Variants in PLEKHA7 observed in about 807,000 individuals in gnomAD.
The protein encoded by PLEKHA7 is pleckstrin homology domain containing A7, also known as pleckstrin homology domain-containing family A member 7.
A neutral mutation model predicts 170.0 loss-of-function variants in PLEKHA7; 104 were observed. The ratio of observed to expected loss-of-function variants is 0.61; its 90% CI spans 0.52 to 0.72. The LOEUF (loss-of-function observed/expected upper bound fraction) is 0.72. Ranked by LOEUF, PLEKHA7 falls within the 30% of genes least tolerant of loss-of-function variation. The pLI, the probability that PLEKHA7 is intolerant of heterozygous loss-of-function variation, is 0.00. For missense variants in PLEKHA7, 1,615 were observed against 1,671.7 expected (o/e 0.97, Z 0.59); for synonymous variants, 648 against 660.8 (o/e 0.98, Z 0.30).
At chr11:16,781,775 G>A (rs1474794282) in intron 26 of PLEKHA7, among the ~76,000 whole-genome samples, 1 of 152,126 alleles carries the variant, frequency 6.6e-6, no homozygotes, top group Admixed American at 6.5e-5. Flanking sequence ...GACTCCCCAG[G>A]CCCAGGCATC....
At chr11:16,821,610 A>G (rs1850218161) in intron 10 of PLEKHA7, among the ~76,000 whole-genome samples, 2 of 152,214 alleles carry the variant, frequency 1.3e-5, no homozygotes, top group Admixed American at 1.3e-4. Flanking sequence ...ATGATATGCA[A>G]AGCAGAGATA....
At chr11:16,898,174 A>C (rs952836895) in intron 3 of PLEKHA7, among the ~76,000 whole-genome samples, 4 of 151,984 alleles carry the variant, frequency 2.6e-5, no homozygotes, top group African/African-American at 4.8e-5. Flanking sequence ...ACATTCTCCC[A>C]CTCTTTCAAC....
rs891649036 is a variant in PLEKHA7 at position 16,777,621 on chromosome 11, T to C, written c.*1377A>G. The C allele has an allele frequency of 1.3e-5, 2 of 152,234 alleles. No individual in the cohort carries two copies. The highest frequency in any genetic ancestry group is 4.8e-5 in the African/African-American group (2 of 41,460). 9.4% of individuals were successfully genotyped at this position (152,234 alleles called of 1,614,324 possible). A position where few individuals can be genotyped will look rare whatever the true frequency, so the allele number is the denominator to read the frequency against. ...TTTTCCATTTAAACGTCATTGTTTA[T>C]ATGCAGAATAATATAAGAAAACAAC... On this transcript the variant is annotated 3_prime_UTR_variant, in exon 27 of 27. Coordinates refer to ENST00000531066, the MANE Select transcript of PLEKHA7 (RefSeq NM_001329630.2).
intron 3 of PLEKHA7, among the ~76,000 whole-genome samples, chr11:16,948,132 C>T (rs370561375): frequency 2.0e-5 from 3 of 151,798 alleles, no homozygotes; most frequent in Admixed American, 6.6e-5. Flanking sequence ...AAGGTGAGCT[C>T]ATAGAATCAA....
intron 3 of PLEKHA7, among the ~76,000 whole-genome samples, chr11:16,983,997 T>C (rs11024101): frequency 0.21 from 31,915 of 152,118 alleles, 4,237 homozygotes; most frequent in East Asian, 0.39. Flanking sequence ...AGAGGGTCAC[T>C]TGAGCCCAGG....
intron 9 of PLEKHA7, among the ~76,000 whole-genome samples, chr11:16,831,357 C>T (rs1172992229): frequency 6.6e-6 from 1 of 152,124 alleles, no homozygotes; most frequent in South Asian, 2.1e-4. Flanking sequence ...AAATTTGTGA[C>T]ACTTGTCACA....
intron 9 of PLEKHA7, among the ~76,000 whole-genome samples, chr11:16,837,793 AAG>A (rs1021970578): frequency 1.3e-5 from 2 of 152,184 alleles, no homozygotes; most frequent in African/African-American, 4.8e-5. Flanking sequence ...TTTCATTAAG[AAG>A]AATGATCTTC....
chr11:17,002,555 T>C (rs1213165065), intron 3 of PLEKHA7, among the ~76,000 whole-genome samples: 1 of 152,208 alleles, frequency 6.6e-6, no homozygotes, highest in Non-Finnish European at 1.5e-5. Context: ...GAAGATCTAT[T>C]AACCACCACT....
intron 3 of PLEKHA7, among the ~76,000 whole-genome samples, chr11:16,890,989 C>T (rs1856570472): frequency 6.6e-6 from 1 of 152,022 alleles, no homozygotes; most frequent in Non-Finnish European, 1.5e-5. Context: ...CAGTCTCAAA[C>T]TCCTGGGCTC....
chr11:16,956,066 T>C (rs952233225), intron 3 of PLEKHA7, among the ~76,000 whole-genome samples: 1 of 152,254 alleles, frequency 6.6e-6, no homozygotes. Context: ...TAGCCTAGTT[T>C]GTGGAAATAT....
chr11:16,852,411 C>T, intron 6 of PLEKHA7, 56 bp from the exon 7 acceptor site: 1 of 1,493,012 alleles, frequency 6.7e-7, no homozygotes. Flanking sequence ...TTGTCCCTTT[C>T]CAAGCATGCA....
rs373796286 is a variant in PLEKHA7, at chr11:16,902,833, G to A, written c.222-31651C>T. Among the ~76,000 whole-genome samples, 27 of 151,936 alleles carry A rather than the reference G, an allele frequency of 1.8e-4. 1 individual carries two copies. In the South Asian group the frequency reaches 5.2e-3, roughly 29 times the overall value. ...GAGGATTGAAATAACACAGGTAAAG[G>A]ACTTAGCAGACAGCTGGGCACACAA... On this transcript the variant is annotated intron_variant, in intron 3 of 26. Transcript: ENST00000531066.
rs1393575616 is a variant in PLEKHA7 at position 16,786,613 on chromosome 11, G to A, written c.3358-226C>T. On this transcript the variant is annotated intron_variant, in intron 23 of 26. Transcript: ENST00000531066. ...CCAGAGGTTTCAAACATACACCCTT[G>A]GGGCACAGGTCTAAGACTCATGACT... 4.1e-6 allele frequency: 4 copies of A among 985,274 alleles called. No homozygotes were observed. The East Asian group carries it at 4.5e-4, about 112-fold the overall frequency. The allele number at this position is 985,274 out of a possible 1,614,324, so 61.0% of individuals were successfully genotyped here. A position where few individuals can be genotyped will look rare whatever the true frequency, so the allele number is the denominator to read the frequency against.
rs576429941 is a variant in PLEKHA7, at chr11:16,901,419, G to A, written c.222-30237C>T. ...TATAAGCCAAAAGTTTGAGAAAACT[G>A]CATGGGGGTTTATCCTTTCTCCTCT... On this transcript the variant is annotated intron_variant, in intron 3 of 26. Coordinates refer to ENST00000531066, the MANE Select transcript of PLEKHA7 (RefSeq NM_001329630.2). Among the ~76,000 whole-genome samples the A allele has an allele frequency of 1.4e-4, 22 of 152,320 alleles. No homozygotes were observed. In the South Asian group the frequency reaches 4.1e-3, roughly 29 times the overall value.
chr11:16,836,262 G>A (rs543931290), intron 9 of PLEKHA7, among the ~76,000 whole-genome samples: 6 of 152,316 alleles, frequency 3.9e-5, no homozygotes, highest in Admixed American at 3.3e-4. Flanking sequence ...CAGGTGGGAA[G>A]AGCCCAGAGT....
intron 9 of PLEKHA7, among the ~76,000 whole-genome samples, chr11:16,829,313 G>A (rs144959500): frequency 2.2e-4 from 33 of 152,106 alleles, no homozygotes; most frequent in African/African-American, 6.3e-4. Context: ...CCCTGCCGGG[G>A]GCCTAAATTC....
chr11:17,002,350 G>C (rs1354220726), intron 3 of PLEKHA7, among the ~76,000 whole-genome samples: 1 of 151,946 alleles, frequency 6.6e-6, no homozygotes, highest in African/African-American at 2.4e-5. Flanking sequence ...GTTACAGTGA[G>C]CTGAGATGGT....
intron 3 of PLEKHA7, among the ~76,000 whole-genome samples, chr11:16,934,529 C>T (rs1341914664): frequency 6.6e-6 from 1 of 152,170 alleles, no homozygotes; most frequent in Non-Finnish European, 1.5e-5. Flanking sequence ...AAAATGGCTA[C>T]ATCAACTTGT....
At chr11:16,888,537 C>A (rs975395995) in intron 3 of PLEKHA7, among the ~76,000 whole-genome samples, 8 of 152,304 alleles carry the variant, frequency 5.3e-5, no homozygotes, top group African/African-American at 1.9e-4. Context: ...TAATCTATAA[C>A]CTTACCCCCA....
Sources: gnomAD v4.1 joint callset for allele counts (sites outside exome capture counted in the v4.1 genomes callset) on GRCh38, gnomAD v4.1.1 for gene constraint, MANE v1.5 for transcripts, NCBI Gene and HGNC (gene_info 2026-07-23, HGNC 2026-07-21) for gene names.